Variants in ARMC9 observed in about 807,000 individuals in gnomAD.
The protein encoded by ARMC9 is lisH domain-containing protein ARMC9.
ARMC9 carries 94 observed loss-of-function variants against 107.0 expected under a neutral mutation model. The observed-to-expected ratio is 0.88, with a 90% confidence interval of 0.74 to 1.04. The LOEUF (loss-of-function observed/expected upper bound fraction) is 1.04, where lower values mean the gene tolerates loss of function less well. Ranked by LOEUF, ARMC9 falls within the 50% of genes least tolerant of loss-of-function variation. The probability of loss-of-function intolerance (pLI) is 0.00; values close to 1 mark genes in which losing one functional copy is unlikely to be tolerated. For synonymous variants in ARMC9, 380 were observed against 396.9 expected (o/e 0.96, Z 0.51); for missense variants, 942 against 1,030.1 (o/e 0.91, Z 1.17).
intron 20 of ARMC9, among the ~76,000 whole-genome samples, chr2:231,333,933 A>G (rs1301458780): frequency 1.3e-5 from 2 of 152,282 alleles, no homozygotes; most frequent in Non-Finnish European, 2.9e-5. Context: ...TTCAGTAACA[A>G]CAAAAAAGCA....
intron 21 of ARMC9, 86 bp downstream of exon 21, chr2:231,345,176 AAAAT>A (rs1207062919): frequency 1.0e-5 from 16 of 1,556,588 alleles, no homozygotes; most frequent in Admixed American, 4.6e-5. Flanking sequence ...TTTAAAATTC[AAAAT>A]AAAGCATTCA....
At chr2:231,245,335 G>A (rs2036659437) in intron 9 of ARMC9, among the ~76,000 whole-genome samples, 1 of 152,290 alleles carries the variant, frequency 6.6e-6, no homozygotes, top group Admixed American at 6.5e-5. Flanking sequence ...CTAAGATTAC[G>A]CAAGTCACGC....
chr2:231,216,612 C>T, intron 4 of ARMC9, 26 bp from the exon 5 acceptor site: 3 of 1,608,682 alleles, frequency 1.9e-6, no homozygotes, highest in Middle Eastern at 1.7e-4. Flanking sequence ...CTGGAGACCT[C>T]AAACAAGTGT....
At chr2:231,307,099 A>G (rs1257435021) in intron 19 of ARMC9, among the ~76,000 whole-genome samples, 4 of 151,914 alleles carry the variant, frequency 2.6e-5, no homozygotes, top group South Asian at 4.2e-4. Context: ...CTCCATCTCA[A>G]TTTTGCCTGG....
At chr2:231,356,659 C>T (rs531321348) in intron 22 of ARMC9, among the ~76,000 whole-genome samples, 12 of 152,186 alleles carry the variant, frequency 7.9e-5, no homozygotes, top group Non-Finnish European at 1.5e-4. Flanking sequence ...TAGCTAGTGA[C>T]GAGTCAGCAC....
At chr2:231,271,318 C>A (rs1197040876) in intron 13 of ARMC9, among the ~76,000 whole-genome samples, 8 of 152,092 alleles carry the variant, frequency 5.3e-5, no homozygotes, top group Admixed American at 2.6e-4. Context: ...ATAAAGCTTT[C>A]TGGTTTTGTA....
intron 7 of ARMC9, among the ~76,000 whole-genome samples, 170 bp downstream of exon 7, chr2:231,226,968 C>T (rs892588110): frequency 3.3e-5 from 5 of 152,076 alleles, no homozygotes; most frequent in South Asian, 2.1e-4. Context: ...GGCCCATTTT[C>T]GGGAGGGCTG....
chr2:231,329,946 C>A (rs1038244779), intron 19 of ARMC9, among the ~76,000 whole-genome samples: 1 of 152,070 alleles, frequency 6.6e-6, no homozygotes, highest in Non-Finnish European at 1.5e-5. Context: ...GCTTTTCTTG[C>A]CTTGTCAGGA....
chr2:231,261,430 G>A (rs553592198), intron 11 of ARMC9, among the ~76,000 whole-genome samples: 1 of 152,260 alleles, frequency 6.6e-6, no homozygotes, highest in Non-Finnish European at 1.5e-5. Flanking sequence ...GCACACACAC[G>A]TGCACACAAG....
At chr2:231,296,285 A>G in intron 19 of ARMC9, 32 bp downstream of exon 19, 1 of 1,558,606 alleles carries the variant, frequency 6.4e-7, no homozygotes, top group Non-Finnish European at 8.8e-7. Context: ...CCACATAGAA[A>G]ACCCATACCA....
intron 9 of ARMC9, among the ~76,000 whole-genome samples, chr2:231,242,434 G>GA (rs1284769529): frequency 3.3e-5 from 5 of 152,158 alleles, no homozygotes; most frequent in African/African-American, 1.2e-4. Context: ...AAATCTTAGA[G>GA]AATCAGCCAT....
intron 19 of ARMC9, among the ~76,000 whole-genome samples, chr2:231,308,569 A>G (rs1454656873): frequency 6.6e-6 from 1 of 152,164 alleles, no homozygotes; most frequent in Non-Finnish European, 1.5e-5. Flanking sequence ...GCCATTAACA[A>G]TACGGGGAAC....
At chr2:231,268,035 G>T (rs2039003554) in intron 12 of ARMC9, among the ~76,000 whole-genome samples, 1 of 152,124 alleles carries the variant, frequency 6.6e-6, no homozygotes, top group East Asian at 1.9e-4. Flanking sequence ...CAATGAGAAG[G>T]AACACAGCAG....
In ARMC9 at chr2:231,276,713, T is replaced by G. The variant is rs879480245; in HGVS notation, c.1412T>G (p.Leu471Arg). The G allele has an allele frequency of 2.0e-5, 33 of 1,614,198 alleles. No homozygotes were observed. Among genetic ancestry groups the G allele is most frequent in the Non-Finnish European group, 2.8e-5 (33 of 1,180,042 alleles). The change falls in exon 15 of 25, where the codon CTG (leucine) becomes CGG (arginine). Residue 471 changes from leucine to arginine, a missense_variant. By Grantham distance (102) the Leu-to-Arg change is moderately radical (BLOSUM62 -2). Transcript: ENST00000611582. Reference sequence around the variant, plus strand: ...GATGTTCTGAAGGACCCTGACTGCCTGTCTGACTACACGCTGGAGTACTCG... The same window carrying G: ...GATGTTCTGAAGGACCCTGACTGCCGGTCTGACTACACGCTGGAGTACTCG... ...LVDVLKDPDC[L>R]SDYTLEYSVA...
intron 11 of ARMC9, among the ~76,000 whole-genome samples, chr2:231,260,544 G>T (rs1273967859): frequency 6.6e-6 from 1 of 152,196 alleles, no homozygotes; most frequent in African/African-American, 2.4e-5. Flanking sequence ...CTATGGTAGT[G>T]CTTCCTGAAG....
At chr2:231,351,994 A>G (rs1386247045) in intron 21 of ARMC9, among the ~76,000 whole-genome samples, 2 of 151,992 alleles carry the variant, frequency 1.3e-5, no homozygotes, top group African/African-American at 2.4e-5. Context: ...TTAAGACAGC[A>G]TCTCGCTCTG....
chr2:231,373,359 A>G lies in ARMC9; in HGVS notation c.*1824A>G, dbSNP rs1004643904. On this transcript the variant is annotated 3_prime_UTR_variant, in exon 25 of 25. Coordinates refer to ENST00000611582, the MANE Select transcript of ARMC9 (RefSeq NM_001352754.2). This position sits in a 1 kb window ranked among gnomAD's most constrained non-coding sequence, Gnocchi z 4.4. The stretch of plus-strand genomic sequence containing the variant: ...CTCCCCACAAGAAGTCCACTCCCCT[A>G]CGGATTCCTCAGATGCCACTGGCTG... 1.3e-5 allele frequency: 2 copies of G among 152,246 alleles called. No individual in the cohort carries two copies. Among genetic ancestry groups the G allele is most frequent in the Non-Finnish European group, 2.9e-5 (2 of 68,054 alleles). 9.4% of individuals were successfully genotyped at this position (152,246 alleles called of 1,614,324 possible).
At chr2:231,202,857 G>A (rs1265720535) in intron 1 of ARMC9, among the ~76,000 whole-genome samples, 2 of 152,116 alleles carry the variant, frequency 1.3e-5, no homozygotes, top group Admixed American at 6.5e-5. Context: ...GCCTTAATAA[G>A]GACATTCTGT....
chr2:231,325,485 A>G (rs149758005), intron 19 of ARMC9, among the ~76,000 whole-genome samples: 51 of 152,278 alleles, frequency 3.3e-4, no homozygotes, highest in African/African-American at 1.2e-3. Flanking sequence ...GCAGGGAAGT[A>G]GTGTCTCACC....
Sources: gnomAD v4.1 joint callset for allele counts (sites outside exome capture counted in the v4.1 genomes callset) on GRCh38, gnomAD v4.1.1 for gene constraint, Gnocchi (gnomAD v3.1) non-coding constraint, MANE v1.5 for transcripts, NCBI Gene and HGNC (gene_info 2026-07-23, HGNC 2026-07-21) for gene names.